NLRP5: variants seen among roughly 807,000 people sequenced by gnomAD.
The protein encoded by NLRP5 is NACHT, LRR and PYD domains-containing protein 5.
Under a neutral mutation model 113.1 loss-of-function variants are expected in NLRP5, and 93 were observed. That is an observed-to-expected ratio of 0.82 (90% CI 0.70 to 0.98). NLRP5 has a LOEUF of 0.98. Among genes scored for constraint, NLRP5 ranks in the 50% least tolerant of loss-of-function variants. The pLI, the probability that NLRP5 is intolerant of heterozygous loss-of-function variation, is 0.00. For synonymous variants in NLRP5, 751 were observed against 600.7 expected, an observed-to-expected ratio of 1.25 and a Z score of -3.66; for missense variants, 1,808 against 1,514.3, an observed-to-expected ratio of 1.19 and a Z score of -3.22.
At chr19:56,033,796 G>A in intron 9 of NLRP5, 87 bp downstream of exon 9, 3 of 1,216,742 alleles carry the variant, frequency 2.5e-6, no homozygotes, top group Non-Finnish European at 3.5e-6. Context: ...AAATTAAAGA[G>A]CTGCAAAGAT....
chr19:56,005,433 T>G (rs1981852807), intron 2 of NLRP5, among the ~76,000 whole-genome samples: 1 of 148,598 alleles, frequency 6.7e-6, no homozygotes, highest in African/African-American at 2.5e-5. Context: ...ATACACATAT[T>G]TATATATACA....
intron 7 of NLRP5, among the ~76,000 whole-genome samples, chr19:56,030,714 C>CTTTTTTTTTTTTTTTT (rs770624516): frequency 0.019 from 1,343 of 71,206 alleles, 254 homozygotes; most frequent in East Asian, 0.03. Flanking sequence ...CTTTCTTCTT[C>CTTTTTTTTTTTTTTTT]TTTTTTTTTT....
At chr19:56,015,649 G>C (rs936352892) in intron 3 of NLRP5, 93 bp from the exon 4 acceptor site, 48 of 1,035,870 alleles carry the variant, frequency 4.6e-5, no homozygotes, top group Non-Finnish European at 6.1e-5. Context: ...ATTAACTATG[G>C]CATGACTAAG....
chr19:56,027,182 T>G lies in NLRP5; in HGVS notation c.949T>G (p.Phe317Val), dbSNP rs543628299. The G allele has an allele frequency of 2.0e-5, 32 of 1,608,890 alleles. 1 individual carries two copies. The South Asian group carries it at 2.6e-4, about 13-fold the overall frequency. Residue 317 changes from phenylalanine (F) to valine (V), a missense_variant, in exon 7 of 15, where the codon TTC (phenylalanine) becomes GTC (valine). Coordinates refer to ENST00000390649, the MANE Select transcript of NLRP5 (RefSeq NM_153447.4). Reference sequence around the variant, plus strand: ...CTACCAGGGAATGTTCTCCTACGTCTTCTTCCTCCCCGTTAGAGAGATGCA... The same window carrying G: ...CTACCAGGGAATGTTCTCCTACGTCGTCTTCCTCCCCGTTAGAGAGATGCA...
intron 14 of NLRP5, 73 bp downstream of exon 14, chr19:56,058,483 A>C: frequency 7.2e-7 from 1 of 1,393,206 alleles, no homozygotes; most frequent in Non-Finnish European, 9.8e-7. Flanking sequence ...GTGGAGAAGC[A>C]GTTTATGGGA....
chr19:56,000,132 G>A (rs144819643), intron 1 of NLRP5, among the ~76,000 whole-genome samples: 4,573 of 146,788 alleles, frequency 0.031, 80 homozygotes, highest in Middle Eastern at 0.047. Context: ...TCCAGGGACG[G>A]CCACCTCTCC....
At chr19:56,014,394 C>G (rs138450967) in intron 3 of NLRP5, among the ~76,000 whole-genome samples, 2 of 151,204 alleles carry the variant, frequency 1.3e-5, no homozygotes, top group African/African-American at 4.9e-5. Context: ...GCAGGGGAAT[C>G]GCTTGAACCC....
At chr19:56,013,279 G>A (rs563942851) in intron 3 of NLRP5, among the ~76,000 whole-genome samples, 55 of 152,070 alleles carry the variant, frequency 3.6e-4, no homozygotes, top group Non-Finnish European at 6.9e-4. Context: ...TGCAACCTCC[G>A]CCTCCCTGGT....
chr19:56,026,527 C>CAA (rs375845864), intron 6 of NLRP5, among the ~76,000 whole-genome samples: 2,933 of 40,194 alleles, frequency 0.073, 400 homozygotes, highest in African/African-American at 0.12. Flanking sequence ...GACTCCATCT[C>CAA]AAAAAAAAAA....
chr19:56,027,892 T>C lies in NLRP5; in HGVS notation c.1659T>C (p.Val553=). The change falls in exon 7 of 15, where the codon GTT becomes GTC. Residue 553 remains valine (V), a synonymous_variant. Transcript: ENST00000390649. ...TGTTTGACGGTGACGACCTCATGGT[T>C]CAAGGACTCGGGGAGTCTGAGCTCC... 6.2e-7 allele frequency: 1 copy of C among 1,613,874 alleles called. No individual in the cohort carries two copies. The highest frequency in any genetic ancestry group is 8.5e-7 in the Non-Finnish European group (1 of 1,179,846).
intron 1 of NLRP5, among the ~76,000 whole-genome samples, chr19:56,003,375 A>G (rs1981730003): frequency 6.6e-6 from 1 of 152,098 alleles, no homozygotes; most frequent in Admixed American, 6.6e-5. Context: ...GCTGGTCTTG[A>G]ACTCCTGACC....
chr19:56,050,736 C>A, intron 12 of NLRP5, 148 bp downstream of exon 12: 1 of 722,758 alleles, frequency 1.4e-6, no homozygotes. Flanking sequence ...TCTAGGTAAA[C>A]TGAGGTGTTG....
chr19:56,001,088 A>G (rs573194010), intron 1 of NLRP5, among the ~76,000 whole-genome samples: 1 of 152,006 alleles, frequency 6.6e-6, no homozygotes, highest in East Asian at 1.9e-4. Flanking sequence ...TTGGGAGGCC[A>G]GGGGTAAGAG....
chr19:56,022,869 C>A (rs1982670291), intron 6 of NLRP5, among the ~76,000 whole-genome samples: 1 of 152,168 alleles, frequency 6.6e-6, no homozygotes, highest in South Asian at 2.1e-4. Flanking sequence ...GGATTACAGG[C>A]ATGTGCCACC....
intron 13 of NLRP5, among the ~76,000 whole-genome samples, chr19:56,054,624 C>T (rs1477692937): frequency 1.3e-5 from 2 of 149,818 alleles, no homozygotes; most frequent in East Asian, 2.0e-4. Flanking sequence ...GCCTTGAAAA[C>T]GTCGTGCTGA....
the NLRP5 span, among the ~76,000 whole-genome samples, chr19:55,992,871 T>C: frequency 6.6e-6 from 1 of 151,502 alleles, no homozygotes; most frequent in East Asian, 1.9e-4. Flanking sequence ...TTTTTTGAAA[T>C]GAATTTTCGC....
At chr19:56,029,062 A>G (rs1463341811) in intron 7 of NLRP5, among the ~76,000 whole-genome samples, 1 of 151,498 alleles carries the variant, frequency 6.6e-6, no homozygotes, top group African/African-American at 2.4e-5. Context: ...AGCCCCTCCC[A>G]TGAATGTGAC....
At chr19:56,012,007 C>T (rs1301058453) in intron 3 of NLRP5, among the ~76,000 whole-genome samples, 1 of 151,712 alleles carries the variant, frequency 6.6e-6, no homozygotes, top group East Asian at 1.9e-4. Context: ...CTTATAAATT[C>T]TATGTAAGTT....
At chr19:56,013,938 A>G (rs1022308460) in intron 3 of NLRP5, among the ~76,000 whole-genome samples, 1 of 152,014 alleles carries the variant, frequency 6.6e-6, no homozygotes, top group Non-Finnish European at 1.5e-5. Context: ...CTTATTGGCT[A>G]CTTCTGTGTC....
Sources: allele counts gnomAD v4.1 joint callset (sites outside exome capture counted in the v4.1 genomes callset), GRCh38; gene constraint gnomAD v4.1.1; transcripts MANE v1.5; gene names NCBI Gene and HGNC (gene_info 2026-07-23, HGNC 2026-07-21).